SLC25A21: variants seen among roughly 807,000 people sequenced by gnomAD.
SLC25A21 encodes mitochondrial 2-oxodicarboxylate carrier.
In SLC25A21, 47 loss-of-function variants were observed where a neutral mutation model predicts 43.8. That is an observed-to-expected ratio of 1.07 (90% CI 0.85 to 1.37). The LOEUF is 1.37. SLC25A21 is among the 40% of genes most tolerant of loss of function. SLC25A21 has a pLI of 0.00. For missense variants in SLC25A21, 352 were observed against 350.2 expected, an observed-to-expected ratio of 1.00 and a Z score of -0.04; for synonymous variants, 131 against 121.3, an observed-to-expected ratio of 1.08 and a Z score of -0.52.
chr14:36,852,084 C>G (rs764520688), intron 2 of SLC25A21, among the ~76,000 whole-genome samples: 5 of 152,116 alleles, frequency 3.3e-5, no homozygotes, highest in Admixed American at 1.3e-4. Context: ...CAGTTGTAGT[C>G]TTTAACTTCA....
chr14:36,694,272 A>T (rs912106550), intron 7 of SLC25A21, among the ~76,000 whole-genome samples: 6 of 152,182 alleles, frequency 3.9e-5, no homozygotes, highest in African/African-American at 1.4e-4. Context: ...ATAGTATTCC[A>T]TGGTGTATAT....
intron 1 of SLC25A21, among the ~76,000 whole-genome samples, chr14:36,958,419 A>T (rs1330046558): frequency 6.6e-6 from 1 of 152,214 alleles, no homozygotes; most frequent in Non-Finnish European, 1.5e-5. Context: ...CCTGTTAAGA[A>T]TCTCAAAGAT....
At chr14:37,080,305 A>G (rs1884776) in intron 1 of SLC25A21, among the ~76,000 whole-genome samples, 8,231 of 152,060 alleles carry the variant, frequency 0.054, 753 homozygotes, top group African/African-American at 0.19. Flanking sequence ...CTTATTAACC[A>G]CTCACGGCCA....
chr14:36,865,649 G>T (rs1890193428), intron 2 of SLC25A21, among the ~76,000 whole-genome samples: 1 of 152,114 alleles, frequency 6.6e-6, no homozygotes, highest in Admixed American at 6.5e-5. Context: ...TGCCTACAGG[G>T]TATTCAGCAG....
At chr14:36,901,928 T>G (rs879929223) in intron 1 of SLC25A21, among the ~76,000 whole-genome samples, 9 of 152,234 alleles carry the variant, frequency 5.9e-5, no homozygotes, top group South Asian at 2.1e-4. Context: ...GCACTGTGTA[T>G]GACAAACATT....
chr14:36,690,121 G>A (rs937498494), intron 7 of SLC25A21, among the ~76,000 whole-genome samples: 2 of 152,122 alleles, frequency 1.3e-5, no homozygotes, highest in African/African-American at 4.8e-5. Context: ...GTTTGAGTGG[G>A]TCATTGTGTA....
At chr14:36,999,916 T>C (rs1960451071) in intron 1 of SLC25A21, among the ~76,000 whole-genome samples, 1 of 152,128 alleles carries the variant, frequency 6.6e-6, no homozygotes, top group Admixed American at 6.6e-5. Flanking sequence ...GGAAAGAGAT[T>C]TGTGTCATCC....
intron 1 of SLC25A21, among the ~76,000 whole-genome samples, chr14:36,930,964 A>T (rs1413484963): frequency 6.6e-6 from 1 of 152,060 alleles, no homozygotes; most frequent in Non-Finnish European, 1.5e-5. Flanking sequence ...GCTCCTATAC[A>T]TGCTTCAAAA....
intron 3 of SLC25A21, among the ~76,000 whole-genome samples, chr14:36,736,589 T>A (rs1361038800): frequency 6.6e-6 from 1 of 152,070 alleles, no homozygotes; most frequent in African/African-American, 2.4e-5. Flanking sequence ...TGTGTTGATC[T>A]TTCCCCATCT....
intron 1 of SLC25A21, among the ~76,000 whole-genome samples, chr14:36,904,929 A>C (rs17767143): frequency 0.24 from 36,441 of 152,100 alleles, 5,505 homozygotes; most frequent in Non-Finnish European, 0.33. Context: ...CCCCCAAATT[A>C]TGAGGAGGCC....
intron 1 of SLC25A21, among the ~76,000 whole-genome samples, chr14:37,036,609 T>C (rs917705344): frequency 6.6e-6 from 1 of 152,054 alleles, no homozygotes; most frequent in African/African-American, 2.4e-5. Context: ...TAAATAAAAA[T>C]TCCAAAATGC....
intron 1 of SLC25A21, among the ~76,000 whole-genome samples, chr14:37,137,164 AT>A (rs1963496248): frequency 1.3e-5 from 2 of 151,754 alleles, no homozygotes; most frequent in Admixed American, 6.6e-5. Context: ...CGCCCAGCTA[AT>A]TTTTTGTATT....
intron 1 of SLC25A21, among the ~76,000 whole-genome samples, chr14:37,063,178 C>A (rs978095879): frequency 5.3e-5 from 8 of 152,158 alleles, no homozygotes; most frequent in African/African-American, 1.9e-4. Flanking sequence ...TCTCACAACA[C>A]GTGGGGATTA....
chr14:36,710,206 G>A (rs1883779526), intron 7 of SLC25A21, among the ~76,000 whole-genome samples: 1 of 151,624 alleles, frequency 6.6e-6, no homozygotes, highest in Admixed American at 6.6e-5. Flanking sequence ...TCATCATGGT[G>A]CCAAAATAAA....
At position 36,864,164 on chromosome 14, in the gene SLC25A21, C is replaced by T. The variant is rs190463548; in HGVS notation, c.119+10792G>A. On this transcript the variant is annotated intron_variant, in intron 2 of 9. Transcript: ENST00000331299. The stretch of plus-strand genomic sequence containing the variant: ...TTTTCTCTTCGTTTTAGGGTCATTC[C>T]TAGGTTATATTAGTCACTATACAAA... Among the ~76,000 whole-genome samples, 45 of 146,764 alleles carry T rather than the reference C, an allele frequency of 3.1e-4. No homozygotes were observed. In the East Asian group the frequency reaches 7.3e-3, roughly 24 times the overall value.
At chr14:36,775,186 T>C (rs992864030) in intron 3 of SLC25A21, among the ~76,000 whole-genome samples, 2 of 152,198 alleles carry the variant, frequency 1.3e-5, no homozygotes, top group Non-Finnish European at 2.9e-5. Flanking sequence ...ATAGGACTTA[T>C]AAAAAGAAGT....
intron 1 of SLC25A21, among the ~76,000 whole-genome samples, chr14:36,895,941 A>G (rs1013670009): frequency 2.0e-5 from 3 of 152,170 alleles, no homozygotes; most frequent in Non-Finnish European, 4.4e-5. Context: ...ACATTTGCTG[A>G]GGAGAGCTTT....
Position 36,814,017 on chromosome 14 carries a change from A to T in SLC25A21, c.120-16T>A. The T allele has an allele frequency of 1.3e-6, 2 of 1,581,184 alleles. No individual in the cohort carries two copies. Among genetic ancestry groups the T allele is most frequent in the Non-Finnish European group, 1.7e-6 (2 of 1,164,236 alleles). ...AATCTGAAACCTAGAAGCAAAATCA[A>T]ACCAAAAATTCTAAGTTAAAGATTT... On this transcript the variant is annotated splice_polypyrimidine_tract_variant and intron_variant, in intron 2 of 9. Transcript: ENST00000331299.
chr14:37,014,037 G>A (rs1416503940), intron 1 of SLC25A21, among the ~76,000 whole-genome samples: 1 of 152,040 alleles, frequency 6.6e-6, no homozygotes, highest in East Asian at 1.9e-4. Context: ...ATGATCATAT[G>A]AGCCTTCAGC....
Sources: allele counts gnomAD v4.1 joint callset (sites outside exome capture counted in the v4.1 genomes callset), GRCh38; gene constraint gnomAD v4.1.1; transcripts MANE v1.5; gene names NCBI Gene and HGNC (gene_info 2026-07-23, HGNC 2026-07-21).